TBC1D32: variants seen among roughly 807,000 people sequenced by gnomAD.
TBC1D32 encodes protein broad-minded.
TBC1D32 carries 151 observed loss-of-function variants against 170.3 expected under a neutral mutation model. That is an observed-to-expected ratio of 0.89 (90% CI 0.78 to 1.01). The LOEUF (loss-of-function observed/expected upper bound fraction) is 1.01. Among genes scored for constraint, TBC1D32 ranks in the 50% least tolerant of loss-of-function variants. TBC1D32 has a pLI of 0.00. For missense variants in TBC1D32, 1,464 were observed against 1,457.1 expected, an observed-to-expected ratio of 1.00 and a Z score of -0.08; for synonymous variants, 498 against 488.0, an observed-to-expected ratio of 1.02 and a Z score of -0.27.
intron 12 of TBC1D32, among the ~76,000 whole-genome samples, chr6:121,289,455 G>A (rs1804462155): frequency 6.6e-6 from 1 of 152,134 alleles, no homozygotes; most frequent in South Asian, 2.1e-4. Context: ...GGACGTGAAG[G>A]ACCTCCTCAA....
intron 17 of TBC1D32, among the ~76,000 whole-genome samples, chr6:121,253,455 A>T (rs1045535491): frequency 6.6e-6 from 1 of 152,208 alleles, no homozygotes; most frequent in East Asian, 1.9e-4. Context: ...ACGGTGGCTC[A>T]CGCCTGTAAT....
intron 22 of TBC1D32, among the ~76,000 whole-genome samples, chr6:121,193,817 A>G (rs1459485880): frequency 2.0e-5 from 3 of 152,196 alleles, no homozygotes; most frequent in African/African-American, 7.2e-5. Flanking sequence ...GAATTATAAA[A>G]AGAGAATCAC....
chr6:121,138,768 T>A (rs1298698889), intron 24 of TBC1D32, among the ~76,000 whole-genome samples: 2 of 152,192 alleles, frequency 1.3e-5, no homozygotes, highest in African/African-American at 4.8e-5. Context: ...TAAGACAGAA[T>A]ACAAAAGGCT....
intron 14 of TBC1D32, among the ~76,000 whole-genome samples, chr6:121,281,295 TCAG>T (rs1802943487): frequency 6.7e-6 from 1 of 150,328 alleles, no homozygotes; most frequent in African/African-American, 2.4e-5. Context: ...ATTATTTGCA[TCAG>T]CAGATCTAGT....
chr6:121,122,826 C>A (rs1780409044), intron 26 of TBC1D32, among the ~76,000 whole-genome samples: 1 of 151,946 alleles, frequency 6.6e-6, no homozygotes, highest in Non-Finnish European at 1.5e-5. Flanking sequence ...GTGTCTGGGA[C>A]AGGGGGTAGT....
intron 17 of TBC1D32, among the ~76,000 whole-genome samples, chr6:121,252,821 A>G (rs1361822557): frequency 6.6e-6 from 1 of 152,194 alleles, no homozygotes; most frequent in East Asian, 1.9e-4. Context: ...CAGCCAACTG[A>G]TCTTCAACAA....
chr6:121,268,942 A>C (rs992334243), intron 15 of TBC1D32, among the ~76,000 whole-genome samples: 1 of 152,178 alleles, frequency 6.6e-6, no homozygotes, highest in African/African-American at 2.4e-5. Context: ...GCCAGAAGAG[A>C]GTAGCAGCCA....
At chr6:121,176,386 T>C (rs925112248) in intron 22 of TBC1D32, among the ~76,000 whole-genome samples, 10 of 152,096 alleles carry the variant, frequency 6.6e-5, no homozygotes, top group African/African-American at 1.7e-4. Flanking sequence ...GGGGCCAATA[T>C]AGCTGAAGTG....
At chr6:121,116,743 A>G (rs1779721852) in intron 26 of TBC1D32, among the ~76,000 whole-genome samples, 1 of 152,200 alleles carries the variant, frequency 6.6e-6, no homozygotes, top group Non-Finnish European at 1.5e-5. Context: ...AGTTGTCCAA[A>G]GGAATTGGAT....
At chr6:121,285,810 C>T (rs947768946) in intron 12 of TBC1D32, among the ~76,000 whole-genome samples, 10 of 152,194 alleles carry the variant, frequency 6.6e-5, no homozygotes, top group African/African-American at 1.9e-4. Context: ...AACAATCAGG[C>T]AGCAACATCT....
intron 20 of TBC1D32, among the ~76,000 whole-genome samples, chr6:121,230,022 C>T (rs972472553): frequency 1.3e-5 from 2 of 152,064 alleles, no homozygotes; most frequent in African/African-American, 4.8e-5. Flanking sequence ...ATGTAAGTTT[C>T]CTGAGGCCTC....
chr6:121,281,672 C>T lies in TBC1D32; in HGVS notation c.1480G>A (p.Ala494Thr). Residue 494 changes from alanine (A) to threonine (T), a missense_variant, in exon 14 of 32, where the codon GCA becomes ACA. Ala to Thr is a moderately conservative substitution (Grantham distance 58). Transcript: ENST00000398212. ...SAAHSENYSP[A>T]SMVTEVLWIL... ...CACAGAACTTCAGTCACCATACTTG[C>T]AGGAGAGTAATTCTCTAATAAACAA... 1 of 1,593,674 alleles carries T rather than the reference C, an allele frequency of 6.3e-7. No individual in the cohort carries two copies. The highest frequency in any genetic ancestry group is 1.1e-5 in the South Asian group (1 of 87,194).
At chr6:121,315,923 G>C (rs1016501934) in intron 3 of TBC1D32, among the ~76,000 whole-genome samples, 1 of 152,078 alleles carries the variant, frequency 6.6e-6, no homozygotes, top group African/African-American at 2.4e-5. Context: ...ATGCCTTCTT[G>C]ATGGGCAGAG....
At chr6:121,299,121 G>A (rs1806081900) in intron 10 of TBC1D32, among the ~76,000 whole-genome samples, 1 of 151,942 alleles carries the variant, frequency 6.6e-6, no homozygotes, top group Admixed American at 6.6e-5. Context: ...TAAAAGTAAT[G>A]GCTTTATGAA....
chr6:121,302,445 T>C (rs1806637242), intron 9 of TBC1D32, among the ~76,000 whole-genome samples: 1 of 152,088 alleles, frequency 6.6e-6, no homozygotes, highest in Non-Finnish European at 1.5e-5. Flanking sequence ...TTTAAATAAA[T>C]TTGTACCCCG....
intron 10 of TBC1D32, among the ~76,000 whole-genome samples, chr6:121,297,031 A>G (rs1394197612): frequency 6.6e-6 from 1 of 152,010 alleles, no homozygotes; most frequent in Non-Finnish European, 1.5e-5. Flanking sequence ...TCTTTTCCTT[A>G]TACTCTTTCC....
At chr6:121,271,478 C>T (rs1006394187) in intron 15 of TBC1D32, among the ~76,000 whole-genome samples, 5 of 152,244 alleles carry the variant, frequency 3.3e-5, no homozygotes, top group African/African-American at 1.2e-4. Flanking sequence ...AACAGACAAA[C>T]AGAGAGCCAC....
At chr6:121,138,848 CT>C (rs528895925) in intron 24 of TBC1D32, among the ~76,000 whole-genome samples, 499 of 143,518 alleles carry the variant, frequency 3.5e-3, no homozygotes, top group African/African-American at 9.1e-3. Flanking sequence ...TATTATTTTT[CT>C]TTTTTTTTTT....
At chr6:121,317,432 T>G (rs1281803226) in intron 3 of TBC1D32, 63 bp downstream of exon 3, 2 of 1,292,594 alleles carry the variant, frequency 1.5e-6, no homozygotes, top group South Asian at 2.0e-5. Context: ...AAGAAATAAT[T>G]TATTGAAGCT....
Sources: allele counts gnomAD v4.1 joint callset (sites outside exome capture counted in the v4.1 genomes callset), GRCh38; gene constraint gnomAD v4.1.1; transcripts MANE v1.5; gene names NCBI Gene and HGNC (gene_info 2026-07-23, HGNC 2026-07-21).